Variants in COLEC12 observed in about 807,000 individuals in gnomAD.
COLEC12 encodes collectin subfamily member 12, also known as collectin-12.
A neutral mutation model predicts 71.1 loss-of-function variants in COLEC12; 33 were observed. The observed-to-expected ratio is 0.46, with a 90% confidence interval of 0.35 to 0.62. The LOEUF (loss-of-function observed/expected upper bound fraction) is 0.62, where lower values mean the gene tolerates loss of function less well. COLEC12 is among the 20% of genes least tolerant of loss of function. The pLI is 0.00. For missense variants in COLEC12, 765 were observed against 916.1 expected (o/e 0.84, Z 2.13); for synonymous variants, 350 against 353.0 (o/e 0.99, Z 0.10).
intron 5 of COLEC12, among the ~76,000 whole-genome samples, chr18:336,179 G>GTA (rs1914115136): frequency 2.0e-5 from 3 of 152,132 alleles, no homozygotes; most frequent in Admixed American, 1.3e-4. Flanking sequence ...CAGCTGGCAT[G>GTA]CCTGTGCTGT....
Position 334,996 on chromosome 18 carries a change from C to A in COLEC12, c.1562G>T (p.Gly521Val). 6.3e-7 allele frequency: 1 copy of A among 1,581,042 alleles called. No homozygotes were observed. ...CGGGGGGCCTGGGTCCCCACTGGAG[C>A]CCTGAGGGCCGGGCTTCCCAGGGGA... is the stretch of plus-strand genomic sequence containing the variant. ...RGSPGKPGPQ[G>V]SSGDPGPPGP... Residue 521 changes from glycine (G) to valine (V), a missense_variant, in exon 6 of 10, where the codon GGC becomes GTC. Transcript: ENST00000400256.
At chr18:389,188 G>A (rs954830925) in intron 2 of COLEC12, among the ~76,000 whole-genome samples, 6 of 136,832 alleles carry the variant, frequency 4.4e-5, no homozygotes, top group African/African-American at 1.3e-4. Flanking sequence ...AAAAATAAAT[G>A]TCCATTACAC....
At chr18:468,787 C>T (rs971759344) in intron 2 of COLEC12, among the ~76,000 whole-genome samples, 1 of 152,234 alleles carries the variant, frequency 6.6e-6, no homozygotes, top group Non-Finnish European at 1.5e-5. Context: ...AATTTAAAGA[C>T]TGGCGGTGCA....
intron 2 of COLEC12, among the ~76,000 whole-genome samples, chr18:430,244 G>C (rs1277256897): frequency 1.3e-5 from 2 of 151,738 alleles, no homozygotes; most frequent in African/African-American, 4.8e-5. Flanking sequence ...TGAGGCACAA[G>C]AATCACTTGA....
chr18:329,674 G>A (rs1913928046), intron 8 of COLEC12, among the ~76,000 whole-genome samples: 1 of 152,238 alleles, frequency 6.6e-6, no homozygotes, highest in African/African-American at 2.4e-5. Flanking sequence ...TGACAGGCCT[G>A]CAGCAGATAT....
intron 3 of COLEC12, among the ~76,000 whole-genome samples, chr18:355,102 T>C (rs1379653392): frequency 6.6e-6 from 1 of 152,064 alleles, no homozygotes; most frequent in African/African-American, 2.4e-5. Context: ...CTCCCATTAA[T>C]TCATTCAGTG....
chr18:498,973 C>A (rs1025278939), intron 1 of COLEC12, among the ~76,000 whole-genome samples: 3 of 152,158 alleles, frequency 2.0e-5, no homozygotes, highest in African/African-American at 4.8e-5. Context: ...CACGTGGGAG[C>A]TGATGGAGTG....
At chr18:469,246 A>G (rs1403091012) in intron 2 of COLEC12, among the ~76,000 whole-genome samples, 2 of 152,244 alleles carry the variant, frequency 1.3e-5, no homozygotes, top group Non-Finnish European at 2.9e-5. Context: ...ACCACCAGAC[A>G]GAAGGAAGAG....
chr18:340,441 C>G (rs1281785890), intron 5 of COLEC12, among the ~76,000 whole-genome samples: 1 of 152,160 alleles, frequency 6.6e-6, no homozygotes, highest in African/African-American at 2.4e-5. Flanking sequence ...GCCTTGAAAA[C>G]CTGAATTTTC....
chr18:328,522 GCTAA>G (rs1359417915), intron 8 of COLEC12, among the ~76,000 whole-genome samples: 2 of 152,140 alleles, frequency 1.3e-5, no homozygotes, highest in Non-Finnish European at 2.9e-5. Context: ...ATCTGCAACT[GCTAA>G]CTAATATGAT....
intron 2 of COLEC12, among the ~76,000 whole-genome samples, chr18:439,681 G>GGA (rs1431318968): frequency 2.4e-4 from 37 of 152,100 alleles, no homozygotes; most frequent in African/African-American, 7.9e-4. Flanking sequence ...AAAAATGACA[G>GGA]GAGATAACAA....
chr18:349,301 A>G lies in COLEC12; in HGVS notation c.182-1138T>C, dbSNP rs1192499624. Among the ~76,000 whole-genome samples the G allele has an allele frequency of 2.6e-5, 4 of 152,298 alleles. No individual in the cohort carries two copies. The South Asian group carries it at 6.2e-4, about 24-fold the overall frequency. On this transcript the variant is annotated intron_variant, in intron 3 of 9. Coordinates refer to ENST00000400256, the MANE Select transcript of COLEC12 (RefSeq NM_130386.3). Reference sequence around the variant, plus strand: ...TGTGGAGCTGGGGCCGTGGCTTCAGAGGGTGCAAGTCTCAAGCCTTGGCAG... The same window carrying G: ...TGTGGAGCTGGGGCCGTGGCTTCAGGGGGTGCAAGTCTCAAGCCTTGGCAG...
At position 362,111 on chromosome 18, in the gene COLEC12, G is replaced by A. The variant is rs1215205649; in HGVS notation, c.59-4589C>T. Among the ~76,000 whole-genome samples, 2 of 152,116 alleles carry A rather than the reference G, an allele frequency of 1.3e-5. No individual in the cohort carries two copies. Among genetic ancestry groups the A allele is most frequent in the Non-Finnish European group, 2.9e-5 (2 of 68,034 alleles). On this transcript the variant is annotated intron_variant, in intron 2 of 9. Coordinates refer to ENST00000400256, the MANE Select transcript of COLEC12 (RefSeq NM_130386.3). This position sits in a 1 kb window ranked among gnomAD's most constrained non-coding sequence, Gnocchi z 4.6. ...TCATCTTTCCCTCCCATCCTTCCCC[G>A]TGAGCTAGCCCTGTGGCCGCCAGGC...
intron 3 of COLEC12, among the ~76,000 whole-genome samples, chr18:350,162 T>C (rs1008905208): frequency 1.8e-4 from 27 of 152,184 alleles, no homozygotes; most frequent in African/African-American, 6.5e-4. Flanking sequence ...AGAATTTACA[T>C]GTGTTGTGGG....
intron 2 of COLEC12, among the ~76,000 whole-genome samples, chr18:473,571 C>G (rs868813844): frequency 6.6e-6 from 1 of 152,176 alleles, no homozygotes; most frequent in Non-Finnish European, 1.5e-5. Context: ...CCACATTGGT[C>G]AGGCTAATCT....
chr18:395,490 C>A (rs980074829), intron 2 of COLEC12, among the ~76,000 whole-genome samples: 1 of 152,122 alleles, frequency 6.6e-6, no homozygotes, highest in African/African-American at 2.4e-5. Flanking sequence ...TTCTGATGGC[C>A]TTTTCAAACG....
intron 3 of COLEC12, among the ~76,000 whole-genome samples, chr18:350,723 T>A (rs499485): frequency 0.93 from 141,276 of 151,954 alleles, 66,422 homozygotes; most frequent in Non-Finnish European, 1. Flanking sequence ...AGCTCAGGAG[T>A]TCAAGACCAG....
chr18:417,358 G>A (rs143686382), intron 2 of COLEC12, among the ~76,000 whole-genome samples: 9 of 152,130 alleles, frequency 5.9e-5, no homozygotes, highest in Non-Finnish European at 1.2e-4. Context: ...ATAAGGCAAC[G>A]CCATCATAAT....
At chr18:468,261 CA>C (rs5822568) in intron 2 of COLEC12, among the ~76,000 whole-genome samples, 80 of 125,606 alleles carry the variant, frequency 6.4e-4, no homozygotes, top group Non-Finnish European at 6.4e-4. Context: ...GACTCCGTCT[CA>C]AAAAAAAAAA....
Sources: gnomAD v4.1 joint callset for allele counts (sites outside exome capture counted in the v4.1 genomes callset) on GRCh38, gnomAD v4.1.1 for gene constraint, Gnocchi (gnomAD v3.1) non-coding constraint, MANE v1.5 for transcripts, NCBI Gene and HGNC (gene_info 2026-07-23, HGNC 2026-07-21) for gene names.